GATAD2B: variants seen among roughly 807,000 people sequenced by gnomAD.
GATAD2B encodes the protein transcriptional repressor p66-beta.
Under a neutral mutation model 64.3 loss-of-function variants are expected in GATAD2B, and 8 were observed. The observed-to-expected ratio is 0.12, with a 90% CI of 0.07 to 0.22. The LOEUF is 0.22. GATAD2B is among the 10% of genes least tolerant of loss of function. The pLI is 1.00. For missense variants in GATAD2B, 453 were observed against 752.0 expected (o/e 0.60, Z 4.65); for synonymous variants, 281 against 271.3 (o/e 1.04, Z -0.35).
At chr1:153,901,084 T>A (rs1022614133) in intron 1 of GATAD2B, among the ~76,000 whole-genome samples, 1 of 151,896 alleles carries the variant, frequency 6.6e-6, no homozygotes, top group African/African-American at 2.4e-5. Context: ...TGTGGTGGCC[T>A]GTGCCTGTAA....
At chr1:153,918,535 G>A (rs1042693404) in intron 1 of GATAD2B, among the ~76,000 whole-genome samples, 16 of 152,168 alleles carry the variant, frequency 1.1e-4, no homozygotes, top group African/African-American at 3.9e-4. Context: ...ATTCCAGCAT[G>A]TATTTTTAAA....
In GATAD2B at chr1:153,805,734, A is replaced by G. The variant is rs1050106871; in HGVS notation, c.*4443T>C. The G allele has an allele frequency of 6.6e-6, 1 of 152,226 alleles. No individual in the cohort carries two copies. Among genetic ancestry groups the G allele is most frequent in the African/African-American group, 2.4e-5 (1 of 41,446 alleles). The allele number at this position is 152,226 out of a possible 1,614,324, so 9.4% of individuals were successfully genotyped here. Reference sequence around the variant, plus strand: ...GATGATCCCCCTCTTCACTTCACAGATAAGAAAATTGATACTCAGAAAATT... The same window carrying G: ...GATGATCCCCCTCTTCACTTCACAGGTAAGAAAATTGATACTCAGAAAATT... On this transcript the variant is annotated 3_prime_UTR_variant, in exon 11 of 11. Transcript: ENST00000368655.
At chr1:153,810,471 T>G (rs1168190055) in intron 10 of GATAD2B, among the ~76,000 whole-genome samples, 161 bp from the exon 11 acceptor site, 1 of 152,234 alleles carries the variant, frequency 6.6e-6, no homozygotes, top group Non-Finnish European at 1.5e-5. Flanking sequence ...ACTTTCTTTT[T>G]CTTTTTTGAG....
intron 1 of GATAD2B, among the ~76,000 whole-genome samples, chr1:153,888,958 G>A (rs2101947049): frequency 6.6e-6 from 1 of 152,152 alleles, no homozygotes; most frequent in South Asian, 2.1e-4. Flanking sequence ...TCTATATAGT[G>A]ACGTTCTACT....
At chr1:153,882,123 T>G (rs1277311321) in intron 1 of GATAD2B, among the ~76,000 whole-genome samples, 1 of 152,204 alleles carries the variant, frequency 6.6e-6, no homozygotes, top group Non-Finnish European at 1.5e-5. Flanking sequence ...AAAAGTCATT[T>G]GTGGTACAAA....
chr1:153,827,043 C>A (rs1395136944), intron 2 of GATAD2B, among the ~76,000 whole-genome samples: 1 of 148,210 alleles, frequency 6.7e-6, no homozygotes, highest in East Asian at 2.0e-4. Context: ...CTCAGGAATT[C>A]GAGACCAGCC....
At chr1:153,810,388 CA>C (rs770465682) in intron 10 of GATAD2B, 78 bp from the exon 11 acceptor site, 1 of 1,467,144 alleles carries the variant, frequency 6.8e-7, no homozygotes, top group Non-Finnish European at 9.4e-7. Flanking sequence ...CCTCGGGCTG[CA>C]GAGTTGGAGA....
chr1:153,815,299 A>AAC (rs1674439018), intron 7 of GATAD2B, among the ~76,000 whole-genome samples: 1 of 148,878 alleles, frequency 6.7e-6, no homozygotes, highest in Non-Finnish European at 1.5e-5. Flanking sequence ...AAAACAAAAA[A>AAC]AAAAAAAAGA....
At chr1:153,824,379 C>T (rs565805967) in intron 2 of GATAD2B, among the ~76,000 whole-genome samples, 6 of 152,178 alleles carry the variant, frequency 3.9e-5, no homozygotes, top group East Asian at 1.9e-4. Context: ...CCCATAATCC[C>T]GGCACTTTGG....
chr1:153,917,076 G>C (rs571460635), intron 1 of GATAD2B, among the ~76,000 whole-genome samples: 2 of 150,860 alleles, frequency 1.3e-5, no homozygotes, highest in Admixed American at 6.6e-5. Context: ...AAAGTACTAG[G>C]AATACAGGTG....
chr1:153,846,094 C>T (rs538073428), intron 1 of GATAD2B, among the ~76,000 whole-genome samples: 24 of 152,112 alleles, frequency 1.6e-4, no homozygotes, highest in African/African-American at 5.5e-4. Context: ...TTTATGTTTT[C>T]GACAGTATTT....
intron 1 of GATAD2B, among the ~76,000 whole-genome samples, chr1:153,894,549 C>T (rs1178684965): frequency 6.6e-6 from 1 of 151,678 alleles, no homozygotes; most frequent in Non-Finnish European, 1.5e-5. Flanking sequence ...TCTGTATGTA[C>T]ATTATACCTC....
intron 1 of GATAD2B, among the ~76,000 whole-genome samples, chr1:153,830,640 T>A (rs1024510198): frequency 6.7e-6 from 1 of 149,610 alleles, no homozygotes; most frequent in Non-Finnish European, 1.5e-5. Flanking sequence ...TACGCCCGGC[T>A]AATTTTTTGT....
rs1219011308 is a variant in GATAD2B, at chr1:153,808,536, G to A, written c.*1641C>T. On this transcript the variant is annotated 3_prime_UTR_variant, in exon 11 of 11. Transcript: ENST00000368655. ...GAAACTTCCTCAGGTGACTTTCAAG[G>A]GCAAAATATTAAACTTCTCCTCATT... The A allele has an allele frequency of 6.6e-6, 1 of 152,498 alleles. No individual in the cohort carries two copies. Among genetic ancestry groups the A allele is most frequent in the Non-Finnish European group, 1.5e-5 (1 of 68,008 alleles). The allele number at this position is 152,498 out of a possible 1,614,324, so 9.4% of individuals were successfully genotyped here. A position where few individuals can be genotyped will look rare whatever the true frequency, so the allele number is the denominator to read the frequency against.
chr1:153,922,381 G>C (rs1678477379), intron 1 of GATAD2B, among the ~76,000 whole-genome samples: 2 of 151,248 alleles, frequency 1.3e-5, no homozygotes, highest in African/African-American at 2.4e-5. Flanking sequence ...CGGGGGAAAC[G>C]GGGCGTGAGG....
chr1:153,894,843 C>T (rs947518277), intron 1 of GATAD2B, among the ~76,000 whole-genome samples: 1 of 151,896 alleles, frequency 6.6e-6, no homozygotes, highest in Admixed American at 6.6e-5. Flanking sequence ...GCCTGGGTGA[C>T]AGGTCGAGAC....
Position 153,816,630 on chromosome 1 carries a change from G to A in GATAD2B, c.901-42C>T. 1 of 1,348,454 alleles carries A rather than the reference G, an allele frequency of 7.4e-7. No individual in the cohort carries two copies. The highest frequency in any genetic ancestry group is 1.1e-6 in the Non-Finnish European group (1 of 950,574). The allele number at this position is 1,348,454 out of a possible 1,614,324, so 83.5% of individuals were successfully genotyped here. On this transcript the variant is annotated intron_variant, in intron 6 of 10. Coordinates refer to ENST00000368655, the MANE Select transcript of GATAD2B (RefSeq NM_020699.4). This position sits in a 1 kb window ranked among gnomAD's most constrained non-coding sequence, Gnocchi z 4.9. ...ATGCGGTCAATCATGGTATGCAGGA[G>A]AAAGGGCCAATTCTTACGTTCTTGG... is the stretch of plus-strand genomic sequence containing the variant.
At chr1:153,921,765 A>G (rs1314093903) in intron 1 of GATAD2B, 1 of 152,250 alleles carries the variant, frequency 6.6e-6, no homozygotes, top group Non-Finnish European at 1.5e-5. Context: ...TCTCCACCTC[A>G]CTGCCAGCCC....
intron 1 of GATAD2B, among the ~76,000 whole-genome samples, chr1:153,842,466 G>A (rs1487860590): frequency 1.3e-5 from 2 of 151,950 alleles, no homozygotes; most frequent in African/African-American, 2.4e-5. Context: ...ACCCTTTCTC[G>A]CCCTCTCTCC....
Sources: gnomAD v4.1 joint callset for allele counts (sites outside exome capture counted in the v4.1 genomes callset) on GRCh38, gnomAD v4.1.1 for gene constraint, Gnocchi (gnomAD v3.1) non-coding constraint, MANE v1.5 for transcripts, NCBI Gene and HGNC (gene_info 2026-07-23, HGNC 2026-07-21) for gene names.